Variants in ANO4 observed in about 807,000 individuals in gnomAD.
ANO4 encodes the protein anoctamin 4, also known as anoctamin-4.
A neutral mutation model predicts 141.9 loss-of-function variants in ANO4; 69 were observed. That is an observed-to-expected ratio of 0.49 (90% CI 0.40 to 0.59). The LOEUF (loss-of-function observed/expected upper bound fraction) is 0.59. Ranked by LOEUF, ANO4 falls within the 20% of genes least tolerant of loss-of-function variation. ANO4 has a pLI of 0.00. For missense variants in ANO4, 894 were observed against 1,162.2 expected, an observed-to-expected ratio of 0.77 and a Z score of 3.36; for synonymous variants, 350 against 394.3, an observed-to-expected ratio of 0.89 and a Z score of 1.33.
chr12:100,741,450 G>T (rs1304340677), intron 3 of ANO4, among the ~76,000 whole-genome samples: 1 of 152,196 alleles, frequency 6.6e-6, no homozygotes. Context: ...CCCAGGGGAT[G>T]CTGTGTCCAT....
chr12:101,058,268 T>C (rs2048207663), intron 14 of ANO4, among the ~76,000 whole-genome samples: 1 of 152,192 alleles, frequency 6.6e-6, no homozygotes, highest in African/African-American at 2.4e-5. Context: ...ACTGTAGCCT[T>C]GTAGTATAGT....
At chr12:100,916,239 A>G (rs925374681) in intron 2 of ANO4, among the ~76,000 whole-genome samples, 2 of 152,166 alleles carry the variant, frequency 1.3e-5, no homozygotes, top group Non-Finnish European at 2.9e-5. Flanking sequence ...GCCCTTTGGT[A>G]CTTTGATATT....
chr12:100,862,374 T>C (rs1044130900), intron 1 of ANO4, among the ~76,000 whole-genome samples: 9 of 152,214 alleles, frequency 5.9e-5, no homozygotes, highest in African/African-American at 2.2e-4. Context: ...CAGGCTGGAG[T>C]GCAGTGGTGC....
In ANO4 at chr12:100,901,713, C is replaced by A; in HGVS notation, c.-73C>A. On this transcript the variant is annotated 5_prime_UTR_variant, in exon 2 of 28. Coordinates refer to ENST00000392977, the MANE Select transcript of ANO4 (RefSeq NM_001286615.2). The stretch of plus-strand genomic sequence containing the variant: ...TCCATCAACGGCGAAGTGTGGCAAG[C>A]CGCCCAGCGTCACGTCGTCGCCTGC... 1 of 1,382,586 alleles carries A rather than the reference C, an allele frequency of 7.2e-7. No homozygotes were observed. The highest frequency in any genetic ancestry group is 1.0e-6 in the Non-Finnish European group (1 of 969,188). 85.6% of individuals were successfully genotyped at this position (1,382,586 alleles called of 1,614,324 possible).
intron 9 of ANO4, among the ~76,000 whole-genome samples, chr12:101,026,125 G>A (rs2046723884): frequency 1.3e-5 from 2 of 152,226 alleles, no homozygotes; most frequent in African/African-American, 2.4e-5. Flanking sequence ...CACCTATAAA[G>A]AAACTCACAA....
intron 8 of ANO4, among the ~76,000 whole-genome samples, chr12:100,999,358 C>T (rs1217754408): frequency 6.6e-6 from 1 of 152,216 alleles, no homozygotes; most frequent in Non-Finnish European, 1.5e-5. Context: ...CATCACATCA[C>T]TCTGACTTTG....
At chr12:100,797,377 A>G (rs988684984) in intron 1 of ANO4, among the ~76,000 whole-genome samples, 1 of 150,856 alleles carries the variant, frequency 6.6e-6, no homozygotes, top group African/African-American at 2.4e-5. Context: ...ATTTTTCAGC[A>G]TTTCCTTGTC....
rs1566034441 is a variant in ANO4 at position 100,939,428 on chromosome 12, A to T, written c.274A>T (p.Ser92Cys). ...GNLTSTSDDASRLEAGGETVP... is the reference protein window; with the variant it reads ...GNLTSTSDDACRLEAGGETVP... ...CCTGACTAGTACTTCAGATGATGCC[A>T]GCAGATTGGAAGCCGGGGGAGAGGT... Residue 92 changes from serine (S) to cysteine (C), a missense_variant, in exon 4 of 28, where the codon AGC becomes TGC. Coordinates refer to ENST00000392977, the MANE Select transcript of ANO4 (RefSeq NM_001286615.2). 6.2e-7 allele frequency: 1 copy of T among 1,613,654 alleles called. No individual in the cohort carries two copies. Among genetic ancestry groups the T allele is most frequent in the Non-Finnish European group, 8.5e-7 (1 of 1,179,654 alleles).
intron 16 of ANO4, among the ~76,000 whole-genome samples, chr12:101,084,781 T>C (rs1188577283): frequency 1.3e-5 from 2 of 152,204 alleles, no homozygotes; most frequent in African/African-American, 4.8e-5. Flanking sequence ...CAAAGACCCA[T>C]AGACATAGAT....
chr12:101,097,805 C>T (rs767634687), intron 20 of ANO4, 43 bp from the exon 21 acceptor site: 99 of 1,606,950 alleles, frequency 6.2e-5, no homozygotes, highest in Non-Finnish European at 8.2e-5. Context: ...CCCTTTCTTC[C>T]TCTCCATTGA....
At chr12:101,103,334 T>C (rs1566252488) in intron 22 of ANO4, among the ~76,000 whole-genome samples, 1 of 150,536 alleles carries the variant, frequency 6.6e-6, no homozygotes, top group Non-Finnish European at 1.5e-5. Flanking sequence ...AAGTGTTCAA[T>C]ATGTTACCAT....
chr12:101,036,624 A>T (rs975516729), intron 9 of ANO4, among the ~76,000 whole-genome samples: 1 of 152,216 alleles, frequency 6.6e-6, no homozygotes, highest in African/African-American at 2.4e-5. Flanking sequence ...GATCTCACTT[A>T]TGTGTAGAAT....
In ANO4 at chr12:100,926,411, T is replaced by C. The variant is rs376605019; in HGVS notation, c.160+4081T>C. Among the ~76,000 whole-genome samples, 9 of 152,252 alleles carry C rather than the reference T, an allele frequency of 5.9e-5. No individual in the cohort carries two copies. The East Asian group carries it at 1.2e-3, about 20-fold the overall frequency. On this transcript the variant is annotated intron_variant, in intron 3 of 27. Transcript: ENST00000392977. ...GAGTTATTTTAACCATCCATCCATC[T>C]TGCCTGTCATGTGTCAGGTACTGTG...
rs373429047 is a variant in ANO4, at chr12:101,110,591, A to G, written c.2302+35A>G. The G allele has an allele frequency of 2.1e-4, 318 of 1,502,726 alleles. 1 individual carries two copies. The African/African-American group carries it at 3.8e-3, about 18-fold the overall frequency. 93.1% of individuals were successfully genotyped at this position (1,502,726 alleles called of 1,614,324 possible). A position where few individuals can be genotyped will look rare whatever the true frequency, so the allele number is the denominator to read the frequency against. On this transcript the variant is annotated intron_variant, in intron 23 of 27. Transcript: ENST00000392977. ...ATTTGGGTATGTTTTTAAAAAACAT[A>G]TTAAACATCTGGTGGATAAAATTTT...
At chr12:100,804,979 G>T (rs1413575004) in intron 1 of ANO4, among the ~76,000 whole-genome samples, 2 of 152,112 alleles carry the variant, frequency 1.3e-5, no homozygotes, top group Non-Finnish European at 2.9e-5. Flanking sequence ...GTCCGTTTTT[G>T]CTTTCATTAC....
At chr12:101,007,759 A>C (rs2045930449) in intron 8 of ANO4, among the ~76,000 whole-genome samples, 1 of 152,146 alleles carries the variant, frequency 6.6e-6, no homozygotes, top group Non-Finnish European at 1.5e-5. Context: ...TTGCTCTGTC[A>C]CACGGGCTGG....
At chr12:100,816,720 C>T (rs1010237285) in intron 1 of ANO4, among the ~76,000 whole-genome samples, 67 of 151,952 alleles carry the variant, frequency 4.4e-4, no homozygotes, top group Non-Finnish European at 7.4e-5. Context: ...TGGATTCTAG[C>T]ACATTGTACT....
Position 100,931,002 on chromosome 12 carries a change from C to T in ANO4, c.161-8313C>T, listed in dbSNP as rs548095715. On this transcript the variant is annotated intron_variant, in intron 3 of 27. Coordinates refer to ENST00000392977, the MANE Select transcript of ANO4 (RefSeq NM_001286615.2). ...CTGGCCTATTAGAAGGGAGTAAAAT[C>T]GGCTAAGGAAGCATTATGTCCTTTC... Among the ~76,000 whole-genome samples, 10 of 152,200 alleles carry T rather than the reference C, an allele frequency of 6.6e-5. No homozygotes were observed. In the East Asian group the frequency reaches 7.7e-4, roughly 12 times the overall value.
intron 3 of ANO4, among the ~76,000 whole-genome samples, chr12:100,936,684 C>T (rs1353312485): frequency 6.6e-6 from 1 of 152,138 alleles, no homozygotes. Context: ...CTCATAACAA[C>T]CATTCCAACT....
Sources: gnomAD v4.1 joint callset for allele counts (sites outside exome capture counted in the v4.1 genomes callset) on GRCh38, gnomAD v4.1.1 for gene constraint, MANE v1.5 for transcripts, NCBI Gene and HGNC (gene_info 2026-07-23, HGNC 2026-07-21) for gene names.